DCAKD: variants seen among roughly 807,000 people sequenced by gnomAD.
DCAKD encodes the protein dephospho-CoA kinase domain containing.
Under a neutral mutation model 18.7 loss-of-function variants are expected in DCAKD, and 15 were observed. The observed-to-expected ratio is 0.80, with a 90% CI of 0.54 to 1.24. The LOEUF (loss-of-function observed/expected upper bound fraction) is 1.24. Ranked by LOEUF, DCAKD falls within the 50% of genes most tolerant of loss-of-function variation. The pLI is 0.00. For missense variants in DCAKD, 301 were observed against 322.0 expected (o/e 0.93, Z 0.50); for synonymous variants, 130 against 133.0 (o/e 0.98, Z 0.16).
intron 1 of DCAKD, among the ~76,000 whole-genome samples, chr17:45,038,127 C>T (rs888717680): frequency 1.3e-5 from 2 of 151,276 alleles, no homozygotes; most frequent in Non-Finnish European, 2.9e-5. Flanking sequence ...CCCAGGGTGG[C>T]GTGCAGCGGT....
chr17:45,039,951 G>A (rs1257406905), intron 1 of DCAKD, among the ~76,000 whole-genome samples: 1 of 152,058 alleles, frequency 6.6e-6, no homozygotes, highest in Non-Finnish European at 1.5e-5. Context: ...AAATTAGCTG[G>A]GCGTGGTGGT....
intron 3 of DCAKD, chr17:45,030,907 C>A: frequency 1.1e-6 from 1 of 932,752 alleles, no homozygotes; most frequent in Non-Finnish European, 1.3e-6. Context: ...CCTCCCACCA[C>A]AAGCCAAGGC....
intron 3 of DCAKD, chr17:45,031,342 C>T (rs2143205194): frequency 1.0e-6 from 1 of 985,318 alleles, no homozygotes; most frequent in African/African-American, 1.7e-5. Flanking sequence ...ACCATAGGCT[C>T]TGATGACACA....
chr17:45,044,776 A>C (rs1309847849), intron 1 of DCAKD, among the ~76,000 whole-genome samples: 1 of 152,202 alleles, frequency 6.6e-6, no homozygotes, highest in African/African-American at 2.4e-5. Context: ...GGAATGCCCT[A>C]AACTGTCTCA....
intron 1 of DCAKD, among the ~76,000 whole-genome samples, chr17:45,042,856 CCT>C (rs2053472963): frequency 6.6e-6 from 1 of 152,176 alleles, no homozygotes; most frequent in Non-Finnish European, 1.5e-5. Context: ...CGTCTGCCTC[CCT>C]CTGTGTCCTC....
At chr17:45,045,173 C>T (rs1435675768) in intron 1 of DCAKD, among the ~76,000 whole-genome samples, 1 of 152,152 alleles carries the variant, frequency 6.6e-6, no homozygotes, top group African/African-American at 2.4e-5. Context: ...GGATTCAACC[C>T]TGCAGCTAGC....
chr17:45,047,503 T>TC (rs2053596589), intron 1 of DCAKD, among the ~76,000 whole-genome samples: 1 of 138,750 alleles, frequency 7.2e-6, no homozygotes. Context: ...CTGGCTAGTC[T>TC]CTTTTTTTTT....
chr17:45,032,340 C>T (rs961136579), intron 3 of DCAKD, among the ~76,000 whole-genome samples: 3 of 150,152 alleles, frequency 2.0e-5, no homozygotes, highest in African/African-American at 4.9e-5. Context: ...AGCTCCAGCC[C>T]GGACGGGAGG....
intron 1 of DCAKD, among the ~76,000 whole-genome samples, chr17:45,046,662 A>AATAATC (rs1433297549): frequency 6.6e-6 from 1 of 150,712 alleles, no homozygotes; most frequent in African/African-American, 2.4e-5. Flanking sequence ...TGCCCACGGT[A>AATAATC]GTGCCAGGTG....
At chr17:45,036,617 G>A (rs1313727360) in intron 1 of DCAKD, among the ~76,000 whole-genome samples, 2 of 152,120 alleles carry the variant, frequency 1.3e-5, no homozygotes, top group Non-Finnish European at 2.9e-5. Flanking sequence ...AGTGATACAG[G>A]GTGAAAAGTA....
chr17:45,060,192 G>A (rs1401152562), intron 1 of DCAKD, among the ~76,000 whole-genome samples: 3 of 152,140 alleles, frequency 2.0e-5, no homozygotes, highest in Non-Finnish European at 4.4e-5. Context: ...GATAATGTAC[G>A]AAATGCCTTA....
At chr17:45,036,644 T>C (rs956072030) in intron 1 of DCAKD, among the ~76,000 whole-genome samples, 1 of 152,052 alleles carries the variant, frequency 6.6e-6, no homozygotes, top group Non-Finnish European at 1.5e-5. Flanking sequence ...ACAGTTCCAC[T>C]GCAAGGCATA....
intron 1 of DCAKD, among the ~76,000 whole-genome samples, chr17:45,050,951 CG>C (rs2053681378): frequency 6.6e-6 from 1 of 152,210 alleles, no homozygotes; most frequent in Non-Finnish European, 1.5e-5. Flanking sequence ...GCCCCAGTCC[CG>C]GGGGCCTTCA....
At chr17:45,029,111 T>A (rs1031938463) in intron 4 of DCAKD, among the ~76,000 whole-genome samples, 1 of 152,234 alleles carries the variant, frequency 6.6e-6, no homozygotes, top group Non-Finnish European at 1.5e-5. Flanking sequence ...CTGACCTTAG[T>A]TAGCCTCTCA....
chr17:45,026,078 C>T (rs554816012), intron 4 of DCAKD, among the ~76,000 whole-genome samples: 1 of 151,974 alleles, frequency 6.6e-6, no homozygotes, highest in Non-Finnish European at 1.5e-5. Context: ...AACACCATGC[C>T]CAGCTAATTT....
chr17:45,039,076 T>C (rs533649358), intron 1 of DCAKD, among the ~76,000 whole-genome samples: 132 of 152,316 alleles, frequency 8.7e-4, no homozygotes, highest in Non-Finnish European at 1.6e-3. Context: ...GTGCTGGCCC[T>C]GGGCCTGCTG....
intron 4 of DCAKD, chr17:45,026,830 G>A (rs2053065927): frequency 1.0e-6 from 1 of 985,326 alleles, no homozygotes; most frequent in Non-Finnish European, 1.2e-6. Flanking sequence ...GTGGGTGGGA[G>A]AATCTAGTGT....
upstream of DCAKD, among the ~76,000 whole-genome samples, chr17:45,056,262 G>A (rs970017802): frequency 1.3e-5 from 2 of 152,096 alleles, no homozygotes; most frequent in Admixed American, 1.3e-4. Context: ...TATCATACCA[G>A]TAATGCTGAC....
At chr17:45,040,221 C>T (rs532522543) in intron 1 of DCAKD, among the ~76,000 whole-genome samples, 4 of 151,676 alleles carry the variant, frequency 2.6e-5, no homozygotes, top group African/African-American at 9.7e-5. Flanking sequence ...AACGCCATTT[C>T]TACTAAAAAT....
Sources: allele counts gnomAD v4.1 joint callset (sites outside exome capture counted in the v4.1 genomes callset), GRCh38; gene constraint gnomAD v4.1.1; transcripts MANE v1.5; gene names NCBI Gene and HGNC (gene_info 2026-07-23, HGNC 2026-07-21).